TMPRSS9: variants seen among roughly 807,000 people sequenced by gnomAD.
TMPRSS9 encodes the protein transmembrane serine protease 9.
TMPRSS9 carries 113 observed loss-of-function variants against 111.4 expected under a neutral mutation model. The ratio of observed to expected loss-of-function variants is 1.01; its 90% confidence interval spans 0.87 to 1.19. TMPRSS9 has a LOEUF of 1.19. TMPRSS9 is among the 50% of genes most tolerant of loss of function. The pLI, the probability that TMPRSS9 is intolerant of heterozygous loss-of-function variation, is 0.00. For missense variants in TMPRSS9, 1,803 were observed against 1,513.1 expected, an observed-to-expected ratio of 1.19 and a Z score of -3.18; for synonymous variants, 805 against 659.1, an observed-to-expected ratio of 1.22 and a Z score of -3.39.
chr19:2,375,849 G>A (rs1720700663), intron 1 of TMPRSS9, among the ~76,000 whole-genome samples: 1 of 152,182 alleles, frequency 6.6e-6, no homozygotes, highest in South Asian at 2.1e-4. Context: ...ACGACCTGGG[G>A]AAACTGAGGC....
chr19:2,404,055 C>G (rs1970915454), intron 6 of TMPRSS9, among the ~76,000 whole-genome samples: 1 of 150,890 alleles, frequency 6.6e-6, no homozygotes. Context: ...GTGGCCCCAG[C>G]TACTCAGGAG....
At chr19:2,410,888 C>T (rs1301143844) in intron 9 of TMPRSS9, among the ~76,000 whole-genome samples, 1 of 152,164 alleles carries the variant, frequency 6.6e-6, no homozygotes, top group Middle Eastern at 3.2e-3. Flanking sequence ...GATGCCAGCA[C>T]ATACCCTGGG....
At chr19:2,404,493 A>C (rs2145335118) in intron 6 of TMPRSS9, among the ~76,000 whole-genome samples, 1 of 151,378 alleles carries the variant, frequency 6.6e-6, no homozygotes, top group Admixed American at 6.6e-5. Flanking sequence ...CAGTGAGCCA[A>C]GATCACGCCA....
intron 1 of TMPRSS9, among the ~76,000 whole-genome samples, chr19:2,382,049 C>T (rs1391023419): frequency 6.6e-6 from 1 of 151,958 alleles, no homozygotes; most frequent in East Asian, 2.0e-4. Context: ...ACTATGTTGT[C>T]AGGCTGGTCT....
intron 13 of TMPRSS9, among the ~76,000 whole-genome samples, chr19:2,419,610 G>A (rs560579113): frequency 6.6e-6 from 1 of 150,950 alleles, no homozygotes; most frequent in African/African-American, 2.4e-5. Flanking sequence ...TCTGCCTCCT[G>A]GGTTCAAGTG....
rs1260256093 is a variant in TMPRSS9, at chr19:2,416,895, G to A, written c.2017+86G>A. Reference sequence around the variant, plus strand: ...GGTCAGGATGGGCATCTCTTACCTGGACCCTAAACCAATTCCACTGCACAG... The same window carrying A: ...GGTCAGGATGGGCATCTCTTACCTGAACCCTAAACCAATTCCACTGCACAG... On this transcript the variant is annotated intron_variant, in intron 12 of 17. Transcript: ENST00000648592. 49 of 1,473,200 alleles carry A rather than the reference G, an allele frequency of 3.3e-5. No individual in the cohort carries two copies. The East Asian group carries it at 1.1e-3, about 34-fold the overall frequency. 91.3% of individuals were successfully genotyped at this position (1,473,200 alleles called of 1,614,324 possible). A position where few individuals can be genotyped will look rare whatever the true frequency, so the allele number is the denominator to read the frequency against.
rs1373743718 is a variant in TMPRSS9 at position 2,390,280 on chromosome 19, G to T, written c.142+353G>T. 6.4e-4 allele frequency among the ~76,000 whole-genome samples: 56 copies of T among 87,408 alleles called. 1 individual carries two copies. The highest frequency in any genetic ancestry group is 4.8e-3 in the Admixed American group (43 of 8,888). 57.3% of individuals were successfully genotyped at this position (87,408 alleles called of 152,430 possible). On this transcript the variant is annotated intron_variant, in intron 1 of 17. Transcript: ENST00000648592. ...TTTTGAGACGGAGTCTCTCTCTGTCGCCCAGGCTGGAGTGCAGTGGTGTGA... is the reference window on the plus strand; with the variant it reads ...TTTTGAGACGGAGTCTCTCTCTGTCTCCCAGGCTGGAGTGCAGTGGTGTGA...
chr19:2,391,446 C>T (rs1301088383), intron 1 of TMPRSS9, among the ~76,000 whole-genome samples: 2 of 150,056 alleles, frequency 1.3e-5, no homozygotes, highest in African/African-American at 4.9e-5. Context: ...TTGACTGAGG[C>T]CCTCTAGTGG....
chr19:2,361,531 G>C (rs527602469), intron 1 of TMPRSS9, among the ~76,000 whole-genome samples: 38 of 152,214 alleles, frequency 2.5e-4, no homozygotes, highest in Non-Finnish European at 4.9e-4. Context: ...GGGGTGGGTT[G>C]TTGGTATTTG....
At chr19:2,403,130 C>T (rs1465562443) in exon 6 of TMPRSS9, 1 of 1,612,702 alleles carries the variant, frequency 6.2e-7, no homozygotes, top group Non-Finnish European at 8.5e-7. Context: ...CAGTGTGTGA[C>T]CAAGGTGAAC....
chr19:2,382,294 G>T (rs1041772366), intron 1 of TMPRSS9, among the ~76,000 whole-genome samples: 3 of 125,898 alleles, frequency 2.4e-5, no homozygotes, highest in African/African-American at 9.8e-5. Context: ...CACCATGCCC[G>T]GCTAATTTTT....
rs144060578 is a variant in TMPRSS9, at chr19:2,408,370, C to T, written c.857C>T (p.Thr286Met). The change falls in exon 8 of 18, where the codon ACG becomes ATG. Residue 286 changes from threonine to methionine, a missense_variant. Physicochemically the swap from Thr to Met is moderately conservative, Grantham distance 81. Transcript: ENST00000648592. ...TGCTCCTGCAGGTTCCAAGACCCGA[C>T]GAAGTGGGTGGCCTACGTGGGTGCG... is the stretch of plus-strand genomic sequence containing the variant. 108 of 1,613,398 alleles carry T rather than the reference C, an allele frequency of 6.7e-5. No homozygotes were observed. The African/African-American group carries it at 1.0e-3, about 16-fold the overall frequency.
chr19:2,426,116 T>G (rs992758733), exon 18 of TMPRSS9: 12 of 1,506,714 alleles, frequency 8.0e-6, no homozygotes, highest in Middle Eastern at 3.6e-4. Context: ...AGGCCGAGAC[T>G]CTACGTGAAA....
intron 9 of TMPRSS9, among the ~76,000 whole-genome samples, chr19:2,413,460 G>C (rs535990012): frequency 6.6e-6 from 1 of 152,294 alleles, no homozygotes; most frequent in South Asian, 2.1e-4. Context: ...GCCTGCCAGA[G>C]GTAGGACTGA....
intron 1 of TMPRSS9, among the ~76,000 whole-genome samples, chr19:2,363,724 A>G (rs1970222490): frequency 6.6e-6 from 1 of 150,564 alleles, no homozygotes; most frequent in African/African-American, 2.5e-5. Flanking sequence ...GTTCTCGGGG[A>G]GCATAACAGG....
At chr19:2,425,637 T>C (rs35195670) in intron 17 of TMPRSS9, 144 bp downstream of exon 18, 1 of 1,366,826 alleles carries the variant, frequency 7.3e-7, no homozygotes, top group South Asian at 1.7e-5. Flanking sequence ...TTTTTGGCTC[T>C]GGAGGAATTT....
At chr19:2,401,151 G>A (rs554717605) in intron 4 of TMPRSS9, among the ~76,000 whole-genome samples, 9 of 151,138 alleles carry the variant, frequency 6.0e-5, no homozygotes, top group East Asian at 2.0e-4. Context: ...GCGGGCGCCT[G>A]TAGTCCCAGC....
intron 1 of TMPRSS9, among the ~76,000 whole-genome samples, chr19:2,381,241 C>T (rs528562765): frequency 3.0e-4 from 46 of 152,132 alleles, no homozygotes; most frequent in African/African-American, 9.6e-4. Flanking sequence ...CTGTGGAGTT[C>T]TTTCTGTGAA....
chr19:2,425,867 C>A, intron 17 of TMPRSS9, 60 bp from the exon 19 acceptor site: 1 of 1,523,772 alleles, frequency 6.6e-7, no homozygotes, highest in Non-Finnish European at 8.7e-7. Context: ...GGCCAATGAC[C>A]CAAGGGCTGC....
Sources: gnomAD v4.1 joint callset for allele counts (sites outside exome capture counted in the v4.1 genomes callset) on GRCh38, gnomAD v4.1.1 for gene constraint, MANE v1.5 for transcripts, NCBI Gene and HGNC (gene_info 2026-07-23, HGNC 2026-07-21) for gene names.